ADGB: variants seen among roughly 807,000 people sequenced by gnomAD.
The protein encoded by ADGB is calpain-7-like protein.
A neutral mutation model predicts 210.5 loss-of-function variants in ADGB; 172 were observed. The ratio of observed to expected loss-of-function variants is 0.82; its 90% CI spans 0.72 to 0.93. The LOEUF is 0.93. Ranked by LOEUF, ADGB falls within the 40% of genes least tolerant of loss-of-function variation. The pLI is 0.00. For synonymous variants in ADGB, 658 were observed against 662.7 expected, an observed-to-expected ratio of 0.99 and a Z score of 0.11; for missense variants, 2,025 against 1,964.8, an observed-to-expected ratio of 1.03 and a Z score of -0.58.
intron 27 of ADGB, among the ~76,000 whole-genome samples, chr6:146,753,868 C>T (rs188073570): frequency 3.3e-5 from 5 of 151,612 alleles, no homozygotes; most frequent in East Asian, 1.9e-4. Context: ...TATGTGCACC[C>T]GTACAATTAT....
chr6:146,606,506 T>C (rs1327240864), intron 1 of ADGB, among the ~76,000 whole-genome samples: 2 of 152,200 alleles, frequency 1.3e-5, no homozygotes, highest in Non-Finnish European at 2.9e-5. Context: ...CTAGGTTTTC[T>C]TCTAGGGTGT....
At chr6:146,735,434 G>T (rs1187784557) in intron 22 of ADGB, among the ~76,000 whole-genome samples, 1 of 152,066 alleles carries the variant, frequency 6.6e-6, no homozygotes, top group East Asian at 1.9e-4. Context: ...GAGAGAGCCA[G>T]AACTCATCTT....
chr6:146,814,358 G>A (rs754257336), intron 35 of ADGB, among the ~76,000 whole-genome samples: 3 of 152,164 alleles, frequency 2.0e-5, no homozygotes, highest in Non-Finnish European at 4.4e-5. Flanking sequence ...TTTAAGAGAC[G>A]AAGGAGAAAA....
chr6:146,625,567 CT>C (rs1780960402), intron 1 of ADGB, among the ~76,000 whole-genome samples: 1 of 151,892 alleles, frequency 6.6e-6, no homozygotes, highest in Admixed American at 6.6e-5. Flanking sequence ...TGGTGCCTTC[CT>C]TGTGTTAATA....
intron 5 of ADGB, 105 bp from the exon 6 acceptor site, chr6:146,664,095 TA>T: frequency 8.7e-7 from 1 of 1,146,456 alleles, no homozygotes. Context: ...GATGCTAAAA[TA>T]AAATTGGAAA....
chr6:146,614,191 C>CCCTTCCTCCCTT (rs1451164945), intron 1 of ADGB, among the ~76,000 whole-genome samples: 2 of 118,764 alleles, frequency 1.7e-5, no homozygotes, highest in South Asian at 3.1e-4. Context: ...CTCCCTCCCT[C>CCCTTCCTCCCTT]CCTCCCTCCC....
At chr6:146,696,242 AT>A in intron 12 of ADGB, among the ~76,000 whole-genome samples, 1 of 151,936 alleles carries the variant, frequency 6.6e-6, no homozygotes, top group South Asian at 2.1e-4. Context: ...CACCCGGCTA[AT>A]TTTTGTATTT....
intron 22 of ADGB, among the ~76,000 whole-genome samples, chr6:146,734,725 C>A (rs762986843): frequency 6.6e-6 from 1 of 152,076 alleles, no homozygotes; most frequent in Non-Finnish European, 1.5e-5. Flanking sequence ...GCCTGGGCAA[C>A]ATGGGGAAAC....
intron 1 of ADGB, among the ~76,000 whole-genome samples, chr6:146,631,002 T>A (rs1020121822): frequency 1.3e-5 from 2 of 152,138 alleles, no homozygotes; most frequent in African/African-American, 2.4e-5. Context: ...AAGAAAACCC[T>A]GATAAGGATA....
intron 30 of ADGB, among the ~76,000 whole-genome samples, chr6:146,782,903 T>A (rs564382133): frequency 6.6e-6 from 1 of 152,252 alleles, no homozygotes; most frequent in South Asian, 2.1e-4. Context: ...AAGATACCTA[T>A]GAGTACAAAA....
chr6:146,712,687 G>A (rs1167244363), intron 13 of ADGB, among the ~76,000 whole-genome samples: 1 of 151,888 alleles, frequency 6.6e-6, no homozygotes, highest in African/African-American at 2.4e-5. Context: ...ATTCTCTAAT[G>A]TACTTGATTT....
At chr6:146,803,706 C>T (rs754814190) in intron 35 of ADGB, 2 of 1,113,778 alleles carry the variant, frequency 1.8e-6, no homozygotes, top group East Asian at 2.4e-5. Context: ...GTTTCCGATG[C>T]CATAATCTCT....
chr6:146,653,402 CA>C (rs1204639633), intron 3 of ADGB, among the ~76,000 whole-genome samples: 1 of 152,082 alleles, frequency 6.6e-6, no homozygotes, highest in East Asian at 1.9e-4. Context: ...TCCCTGGTGC[CA>C]AAAAGGTTGG....
Position 146,728,582 on chromosome 6 carries a change from C to T in ADGB, c.2361C>T (p.Cys787=). ...ATGCTTTGTCTTCACAGGAGAGCTG[C>T]CGATTTACGGAACAGTCTCTGTTGA... ...VVLPNFEPES[C]RFTEQSLLIM... is the part of the protein sequence containing the mutation. The change falls in exon 20 of 36, where the codon TGC becomes TGT. Residue 787 remains cysteine (C), a synonymous_variant. Transcript: ENST00000397944. 1 of 1,550,914 alleles carries T rather than the reference C, an allele frequency of 6.4e-7. No homozygotes were observed. Among genetic ancestry groups the T allele is most frequent in the Non-Finnish European group, 8.7e-7 (1 of 1,146,422 alleles).
chr6:146,674,949 G>C (rs1347168638), intron 8 of ADGB, among the ~76,000 whole-genome samples: 1 of 152,008 alleles, frequency 6.6e-6, no homozygotes, highest in African/African-American at 2.4e-5. Context: ...AGCTCTTAAA[G>C]TCCTATTTGA....
rs533575790 is a variant in ADGB at position 146,623,544 on chromosome 6, A to G, written c.75-11831A>G. Among the ~76,000 whole-genome samples the G allele has an allele frequency of 1.5e-3, 223 of 151,998 alleles. 1 individual carries two copies. Among genetic ancestry groups the G allele is most frequent in the Non-Finnish European group, 1.7e-3 (118 of 67,796 alleles). On this transcript the variant is annotated intron_variant, in intron 1 of 35. Transcript: ENST00000397944. ...AATTTATTTTTCTATATTACCTTGT[A>G]TCCTGAAACATGGCTAAACTCACTT...
chr6:146,745,756 T>C (rs1311342303), intron 25 of ADGB, among the ~76,000 whole-genome samples, 166 bp from the exon 26 acceptor site: 1 of 152,326 alleles, frequency 6.6e-6, no homozygotes, highest in Non-Finnish European at 1.5e-5. Flanking sequence ...GATAGTGCTT[T>C]CTAAGAGAAA....
chr6:146,734,986 G>C (rs915057782), intron 22 of ADGB, among the ~76,000 whole-genome samples: 2 of 151,748 alleles, frequency 1.3e-5, no homozygotes, highest in Non-Finnish European at 2.9e-5. Flanking sequence ...ATTTTGATAG[G>C]AGAAGCCTTA....
At chr6:146,720,320 A>G (rs571767578) in intron 16 of ADGB, among the ~76,000 whole-genome samples, 2 of 148,740 alleles carry the variant, frequency 1.3e-5, no homozygotes, top group African/African-American at 5.2e-5. Flanking sequence ...GTGTAATTAG[A>G]TATACATTAA....
Sources: allele counts gnomAD v4.1 joint callset (sites outside exome capture counted in the v4.1 genomes callset), GRCh38; gene constraint gnomAD v4.1.1; transcripts MANE v1.5; gene names NCBI Gene and HGNC (gene_info 2026-07-23, HGNC 2026-07-21).